Variants in AGBL1 observed in about 807,000 individuals in gnomAD.
AGBL1 encodes AGBL carboxypeptidase 1.
A neutral mutation model predicts 118.9 loss-of-function variants in AGBL1; 130 were observed. That is an observed-to-expected ratio of 1.09 (90% CI 0.95 to 1.26). The LOEUF (loss-of-function observed/expected upper bound fraction) is 1.26. Among genes scored for constraint, AGBL1 ranks in the 50% most tolerant of loss-of-function variants. AGBL1 has a pLI of 0.00. For synonymous variants in AGBL1, 555 were observed against 478.9 expected (o/e 1.16, Z -2.08); for missense variants, 1,584 against 1,298.1 (o/e 1.22, Z -3.38).
intron 21 of AGBL1, among the ~76,000 whole-genome samples, chr15:86,634,804 G>A (rs2085049741): frequency 6.6e-6 from 1 of 152,080 alleles, no homozygotes; most frequent in African/African-American, 2.4e-5. Flanking sequence ...TAATATAACT[G>A]AAAAGACTCT....
intron 22 of AGBL1, among the ~76,000 whole-genome samples, chr15:86,694,606 G>T (rs1042923449): frequency 2.6e-5 from 4 of 151,940 alleles, no homozygotes; most frequent in Non-Finnish European, 5.9e-5. Flanking sequence ...TTGTCTGATT[G>T]CTCTGACTAG....
intron 5 of AGBL1, among the ~76,000 whole-genome samples, chr15:86,175,146 C>G (rs2083976): frequency 1 from 151,887 of 152,122 alleles, 75,828 homozygotes; most frequent in Middle Eastern, 1. Context: ...AGTTTTTGTT[C>G]TTGTTGTTGT....
At chr15:86,943,573 T>C (rs978471041) in intron 23 of AGBL1, among the ~76,000 whole-genome samples, 20 of 152,176 alleles carry the variant, frequency 1.3e-4, no homozygotes, top group African/African-American at 1.7e-4. Context: ...GTGAAGATGC[T>C]GGCCACCCCA....
chr15:86,960,215 T>C (rs1350282642), intron 23 of AGBL1, among the ~76,000 whole-genome samples: 2 of 152,114 alleles, frequency 1.3e-5, no homozygotes, highest in Admixed American at 6.6e-5. Flanking sequence ...GAGTTGATAG[T>C]TGATGGCTCT....
chr15:86,400,367 A>AT (rs1367441154), intron 18 of AGBL1, among the ~76,000 whole-genome samples: 1 of 151,226 alleles, frequency 6.6e-6, no homozygotes, highest in Non-Finnish European at 1.5e-5. Context: ...TGTATATGGT[A>AT]TTTTTTTCGA....
At chr15:86,538,917 G>C (rs895925338) in intron 19 of AGBL1, among the ~76,000 whole-genome samples, 5 of 152,224 alleles carry the variant, frequency 3.3e-5, no homozygotes, top group Non-Finnish European at 7.3e-5. Flanking sequence ...ATGGGACCAA[G>C]GAGGAAGGAG....
chr15:86,577,779 C>T (rs911754029), intron 21 of AGBL1, among the ~76,000 whole-genome samples: 1 of 152,184 alleles, frequency 6.6e-6, no homozygotes, highest in Admixed American at 6.5e-5. Flanking sequence ...GGTGCAAGCC[C>T]CAAGCCTTGG....
chr15:86,947,075 A>G (rs1201166796), intron 23 of AGBL1, among the ~76,000 whole-genome samples: 1 of 152,182 alleles, frequency 6.6e-6, no homozygotes, highest in Non-Finnish European at 1.5e-5. Context: ...TTAATCAGCT[A>G]GAAACACGAA....
chr15:87,007,687 G>C (rs573892582), intron 24 of AGBL1, among the ~76,000 whole-genome samples: 95 of 152,290 alleles, frequency 6.2e-4, no homozygotes, highest in Non-Finnish European at 1.2e-3. Flanking sequence ...TAAAATGTTT[G>C]CTGGTGGAAG....
At chr15:86,475,810 A>C (rs1248563154) in intron 18 of AGBL1, among the ~76,000 whole-genome samples, 1 of 152,240 alleles carries the variant, frequency 6.6e-6, no homozygotes, top group Non-Finnish European at 1.5e-5. Flanking sequence ...AAAAATGTTA[A>C]GGGCAGCCAG....
intron 22 of AGBL1, among the ~76,000 whole-genome samples, chr15:86,827,358 TATATGTGTGTGTATATATATATATAC>T (rs1567194497): frequency 4.0e-4 from 4 of 10,000 alleles, no homozygotes; most frequent in Non-Finnish European, 4.2e-4. Context: ...TATATATATA[TATATGTGTGTGTATATATATATATAC>T]ACATATATAT....
intron 18 of AGBL1, among the ~76,000 whole-genome samples, chr15:86,439,366 T>TATCC (rs2082035183): frequency 6.6e-6 from 1 of 152,220 alleles, no homozygotes; most frequent in African/African-American, 2.4e-5. Flanking sequence ...CACTTAGAGA[T>TATCC]GACATCTCGT....
At chr15:86,262,063 C>T (rs1353416553) in intron 9 of AGBL1, among the ~76,000 whole-genome samples, 1 of 65,360 alleles carries the variant, frequency 1.5e-5, no homozygotes, top group Non-Finnish European at 3.3e-5. Flanking sequence ...CACTGCTAGG[C>T]CTATGCATAG....
chr15:86,411,957 G>GT (rs2081626889), intron 18 of AGBL1, among the ~76,000 whole-genome samples: 1 of 152,136 alleles, frequency 6.6e-6, no homozygotes, highest in African/African-American at 2.4e-5. Flanking sequence ...GGGATTGGTT[G>GT]TTATTGGTCT....
At chr15:86,694,917 A>G (rs1285351334) in intron 22 of AGBL1, among the ~76,000 whole-genome samples, 1 of 152,074 alleles carries the variant, frequency 6.6e-6, no homozygotes, top group Admixed American at 6.6e-5. Flanking sequence ...CATATATTAA[A>G]CCATTCCTGC....
intron 22 of AGBL1, among the ~76,000 whole-genome samples, chr15:86,740,279 C>T (rs1052280115): frequency 2.0e-5 from 3 of 152,198 alleles, no homozygotes; most frequent in African/African-American, 4.8e-5. Flanking sequence ...CATGGGAGCT[C>T]ATGCTGAATT....
chr15:86,093,899 C>T (rs1424182975), intron 1 of AGBL1, among the ~76,000 whole-genome samples: 1 of 152,078 alleles, frequency 6.6e-6, no homozygotes, highest in Non-Finnish European at 1.5e-5. Context: ...TATTCTATGA[C>T]AATAGCAACA....
intron 21 of AGBL1, among the ~76,000 whole-genome samples, chr15:86,561,586 G>C (rs932938189): frequency 6.6e-6 from 1 of 152,164 alleles, no homozygotes; most frequent in African/African-American, 2.4e-5. Flanking sequence ...GTCAGGTAGT[G>C]TGATGCCTCC....
intron 22 of AGBL1, among the ~76,000 whole-genome samples, chr15:86,732,487 T>C (rs2077538738): frequency 6.6e-6 from 1 of 152,222 alleles, no homozygotes. Flanking sequence ...ATTCTTTCTA[T>C]GCATTTCTAA....
Sources: gnomAD v4.1 joint callset for allele counts (sites outside exome capture counted in the v4.1 genomes callset) on GRCh38, gnomAD v4.1.1 for gene constraint, MANE v1.5 for transcripts, NCBI Gene and HGNC (gene_info 2026-07-23, HGNC 2026-07-21) for gene names.